The following CPNE4 variants were observed in gnomAD, a reference collection of about 807,000 sequenced individuals.
CPNE4 encodes copine-4.
CPNE4 carries 25 observed loss-of-function variants against 67.9 expected under a neutral mutation model. The ratio of observed to expected loss-of-function variants is 0.37; its 90% confidence interval spans 0.27 to 0.51. The LOEUF is 0.51. CPNE4 is among the 20% of genes least tolerant of loss of function. CPNE4 has a pLI of 0.93. For missense variants in CPNE4, 464 were observed against 690.8 expected (o/e 0.67, Z 3.68); for synonymous variants, 242 against 244.9 (o/e 0.99, Z 0.11).
rs145887682 is a variant in CPNE4 at position 131,565,355 on chromosome 3, G to T, written c.928-1006C>A. Among the ~76,000 whole-genome samples, 258 of 152,070 alleles carry T rather than the reference G, an allele frequency of 1.7e-3. 2 individuals carry two copies. The highest frequency in any genetic ancestry group is 2.6e-3 in the Non-Finnish European group (175 of 67,938). On this transcript the variant is annotated intron_variant, in intron 10 of 15. Coordinates refer to ENST00000429747, the MANE Select transcript of CPNE4 (RefSeq NM_130808.3). ...TTCATTGGCTTACTATGCCCGAAAG[G>T]CTCTATTTTTTCATATGATCTTGGG... is the stretch of plus-strand genomic sequence containing the variant.
chr3:131,910,853 T>G lies in CPNE4; in HGVS notation c.-1-5409A>C, dbSNP rs143027996. Reference sequence around the variant, plus strand: ...TCTAGGAACCTCCGTATGAATTCCTTTAACTTTGACCACAAAACCGTAAAT... The same window carrying G: ...TCTAGGAACCTCCGTATGAATTCCTGTAACTTTGACCACAAAACCGTAAAT... On this transcript the variant is annotated intron_variant, in intron 1 of 15. Coordinates refer to ENST00000429747, the MANE Select transcript of CPNE4 (RefSeq NM_130808.3). Among the ~76,000 whole-genome samples the G allele has an allele frequency of 9.8e-5, 15 of 152,300 alleles. No individual in the cohort carries two copies. The East Asian group carries it at 2.9e-3, about 29-fold the overall frequency.
intron 7 of CPNE4, among the ~76,000 whole-genome samples, chr3:131,640,399 C>G (rs2107793391): frequency 6.6e-6 from 1 of 152,128 alleles, no homozygotes; most frequent in South Asian, 2.1e-4. Flanking sequence ...AGAACTCAAC[C>G]CCTTTCACAA....
At chr3:131,684,786 CCTACAAAAT>C (rs1479057421) in intron 6 of CPNE4, among the ~76,000 whole-genome samples, 1 of 152,192 alleles carries the variant, frequency 6.6e-6, no homozygotes, top group Non-Finnish European at 1.5e-5. Context: ...GTACCTCACT[CCTACAAAAT>C]CCCTCTTGGA....
intron 9 of CPNE4, among the ~76,000 whole-genome samples, chr3:131,581,005 C>T (rs1347358913): frequency 1.3e-5 from 2 of 152,086 alleles, no homozygotes; most frequent in African/African-American, 4.8e-5. Flanking sequence ...AACCCCATCT[C>T]TACTAAAAAT....
chr3:131,886,185 G>A (rs1164887061), intron 2 of CPNE4, among the ~76,000 whole-genome samples: 1 of 152,190 alleles, frequency 6.6e-6, no homozygotes, highest in Admixed American at 6.5e-5. Context: ...TAGGGACTTC[G>A]TGCCCTGTGT....
chr3:132,021,765 T>C (rs532053575), intron 1 of CPNE4, among the ~76,000 whole-genome samples: 2 of 152,258 alleles, frequency 1.3e-5, no homozygotes, highest in Admixed American at 6.5e-5. Context: ...TCCCCATTCA[T>C]AGAAGTTAAA....
intron 2 of CPNE4, among the ~76,000 whole-genome samples, chr3:131,778,492 C>T (rs151270707): frequency 4.7e-4 from 72 of 152,184 alleles, no homozygotes; most frequent in African/African-American, 1.7e-3. Flanking sequence ...TCATCATTAC[C>T]ACCACAGGAA....
chr3:131,950,831 T>C (rs947096193), intron 1 of CPNE4, among the ~76,000 whole-genome samples: 3 of 152,316 alleles, frequency 2.0e-5, no homozygotes, highest in African/African-American at 2.4e-5. Context: ...TTCCAACTTT[T>C]GGTATTACTA....
intron 2 of CPNE4, among the ~76,000 whole-genome samples, chr3:131,767,061 C>T (rs2083037645): frequency 6.6e-6 from 1 of 152,118 alleles, no homozygotes; most frequent in Non-Finnish European, 1.5e-5. Context: ...TATGTGGATG[C>T]CTGTTAATGT....
intron 3 of CPNE4, among the ~76,000 whole-genome samples, chr3:131,714,833 C>T (rs371744396): frequency 6.6e-6 from 1 of 152,156 alleles, no homozygotes; most frequent in South Asian, 2.1e-4. Context: ...TATAATCTCT[C>T]TCTCATGAAT....
chr3:131,990,290 G>A (rs1388813003), intron 1 of CPNE4, among the ~76,000 whole-genome samples: 2 of 136,210 alleles, frequency 1.5e-5, no homozygotes, highest in African/African-American at 2.5e-5. Context: ...TGATTGTGCA[G>A]GCTATAGGTT....
At chr3:131,846,990 G>A (rs1436213006) in intron 2 of CPNE4, among the ~76,000 whole-genome samples, 1 of 152,180 alleles carries the variant, frequency 6.6e-6, no homozygotes, top group Non-Finnish European at 1.5e-5. Flanking sequence ...ACAGCTTGAA[G>A]GGAGGGAAGT....
chr3:131,559,546 GTAA>G (rs1936648015), intron 11 of CPNE4, among the ~76,000 whole-genome samples: 1 of 151,912 alleles, frequency 6.6e-6, no homozygotes, highest in Non-Finnish European at 1.5e-5. Context: ...AGTAATAATT[GTAA>G]TAAAAGCTCA....
chr3:131,556,451 A>G (rs910543081), intron 11 of CPNE4, among the ~76,000 whole-genome samples: 1 of 152,076 alleles, frequency 6.6e-6, no homozygotes, highest in African/African-American at 2.4e-5. Context: ...TACATGACTC[A>G]TTGTGCCCAC....
intron 7 of CPNE4, among the ~76,000 whole-genome samples, chr3:131,592,435 G>C (rs1276420618): frequency 6.6e-6 from 1 of 151,938 alleles, no homozygotes; most frequent in African/African-American, 2.4e-5. Flanking sequence ...TTGTGTTTAT[G>C]GTCTTTAATT....
At chr3:131,875,784 T>C (rs1017918707) in intron 2 of CPNE4, among the ~76,000 whole-genome samples, 4 of 152,092 alleles carry the variant, frequency 2.6e-5, no homozygotes, top group African/African-American at 9.7e-5. Context: ...TGTATACATA[T>C]GTAACAAACC....
chr3:131,852,586 T>C (rs1032021617), intron 2 of CPNE4, among the ~76,000 whole-genome samples: 1 of 151,932 alleles, frequency 6.6e-6, no homozygotes, highest in Admixed American at 6.6e-5. Flanking sequence ...AATAAACATC[T>C]GTTCTGAAGA....
intron 1 of CPNE4, among the ~76,000 whole-genome samples, chr3:131,925,117 GTC>G (rs149188417): frequency 2.0e-5 from 3 of 150,540 alleles, no homozygotes; most frequent in Admixed American, 6.7e-5. Flanking sequence ...ATTGCTAAAA[GTC>G]TCTCTCTCTC....
chr3:131,634,716 C>G (rs1185261742), intron 7 of CPNE4, among the ~76,000 whole-genome samples: 1 of 152,064 alleles, frequency 6.6e-6, no homozygotes, highest in Non-Finnish European at 1.5e-5. Context: ...AAAATTGAAG[C>G]AATGTTCTTT....
Sources: allele counts gnomAD v4.1 joint callset (sites outside exome capture counted in the v4.1 genomes callset), GRCh38; gene constraint gnomAD v4.1.1; transcripts MANE v1.5; gene names NCBI Gene and HGNC (gene_info 2026-07-23, HGNC 2026-07-21).